Variants in SCHIP1 observed in about 807,000 individuals in gnomAD.
SCHIP1 encodes the protein schwannomin interacting protein 1.
In SCHIP1, 8 loss-of-function variants were observed where a neutral mutation model predicts 29.7. The observed-to-expected ratio is 0.27, with a 90% CI of 0.16 to 0.49. SCHIP1 has a LOEUF of 0.49. Among genes scored for constraint, SCHIP1 ranks in the 20% least tolerant of loss-of-function variants. SCHIP1 has a pLI of 0.99. For missense variants in SCHIP1, 193 were observed against 294.6 expected (o/e 0.66, Z 2.52); for synonymous variants, 76 against 94.9 (o/e 0.80, Z 1.16).
the SCHIP1 span, among the ~76,000 whole-genome samples, chr3:159,739,205 T>C: frequency 3.3e-5 from 5 of 152,210 alleles, no homozygotes; most frequent in South Asian, 2.1e-4. Context: ...AAAAAATGTC[T>C]GTATTGAGAA....
At chr3:159,756,123 T>C in the SCHIP1 span, among the ~76,000 whole-genome samples, 1 of 152,230 alleles carries the variant, frequency 6.6e-6, no homozygotes, top group African/African-American at 2.4e-5. Flanking sequence ...AGACAGTACC[T>C]CAGTAGGGGC....
chr3:159,558,991 T>A, the SCHIP1 span, among the ~76,000 whole-genome samples: 1 of 152,132 alleles, frequency 6.6e-6, no homozygotes. Context: ...CTTTAAAAAG[T>A]TTTCTTTTAA....
chr3:159,382,954 G>T, the SCHIP1 span, among the ~76,000 whole-genome samples: 1 of 149,966 alleles, frequency 6.7e-6, no homozygotes, highest in African/African-American at 2.4e-5. Context: ...TGATGGGGTT[G>T]TTTGTTTTTT....
At chr3:159,529,620 C>G in the SCHIP1 span, among the ~76,000 whole-genome samples, 109 of 152,246 alleles carry the variant, frequency 7.2e-4, no homozygotes, top group African/African-American at 2.5e-3. Context: ...GGGAACATTC[C>G]ACATCTTCTC....
chr3:159,656,796 C>CATTTTA, the SCHIP1 span, among the ~76,000 whole-genome samples: 25 of 152,184 alleles, frequency 1.6e-4, no homozygotes, highest in African/African-American at 5.8e-4. Context: ...CTCCATTTTA[C>CATTTTA]AGGTGAAAAA....
At chr3:159,430,829 G>GCC in the SCHIP1 span, among the ~76,000 whole-genome samples, 1 of 152,030 alleles carries the variant, frequency 6.6e-6, no homozygotes, top group East Asian at 1.9e-4. Flanking sequence ...GCTCAAGGGG[G>GCC]CCCACATGCC....
the SCHIP1 span, among the ~76,000 whole-genome samples, chr3:159,305,950 A>C: frequency 6.6e-6 from 1 of 152,128 alleles, no homozygotes; most frequent in South Asian, 2.1e-4. Flanking sequence ...CAAATCACTT[A>C]AGTTCTACTT....
chr3:159,711,211 A>AAAATGTTTTCCACCAAGC, the SCHIP1 span, among the ~76,000 whole-genome samples: 2 of 129,894 alleles, frequency 1.5e-5, no homozygotes, highest in South Asian at 2.3e-4. Context: ...AATTTAAAAA[A>AAAATGTTTTCCACCAAGC]TTAGCCGGGC....
the SCHIP1 span, among the ~76,000 whole-genome samples, chr3:159,586,339 T>C: frequency 2.5e-4 from 38 of 152,262 alleles, no homozygotes; most frequent in African/African-American, 8.7e-4. Context: ...GAACCAGCTT[T>C]GCCTCAGTGA....
the SCHIP1 span, among the ~76,000 whole-genome samples, chr3:159,328,631 G>A: frequency 1.3e-5 from 2 of 152,140 alleles, no homozygotes; most frequent in African/African-American, 4.8e-5. Context: ...TGGAGCGTTG[G>A]GAGAAATGCC....
At chr3:159,350,811 A>T in the SCHIP1 span, among the ~76,000 whole-genome samples, 1 of 152,134 alleles carries the variant, frequency 6.6e-6, no homozygotes, top group African/African-American at 2.4e-5. Context: ...AATACAATGC[A>T]CTATTATTAA....
chr3:159,887,919 G>C lies in SCHIP1; in HGVS notation c.465+14G>C. The C allele has an allele frequency of 5.0e-6, 8 of 1,613,692 alleles. No individual in the cohort carries two copies. The highest frequency in any genetic ancestry group is 5.9e-6 in the Non-Finnish European group (7 of 1,179,704). ...GTCGCTGATCTTGTAAGCAGCAAAGGCTGAAATGCAAGGAAGTGTTTGGGA... is the reference window on the plus strand; with the variant it reads ...GTCGCTGATCTTGTAAGCAGCAAAGCCTGAAATGCAAGGAAGTGTTTGGGA... On this transcript the variant is annotated intron_variant, in intron 4 of 6. Transcript: ENST00000445224.
the SCHIP1 span, among the ~76,000 whole-genome samples, chr3:159,422,156 T>A: frequency 3.3e-5 from 5 of 152,198 alleles, no homozygotes; most frequent in African/African-American, 1.2e-4. Flanking sequence ...TTCAATATAT[T>A]GTGTGTGGTT....
At chr3:159,407,314 G>A in the SCHIP1 span, among the ~76,000 whole-genome samples, 1 of 152,174 alleles carries the variant, frequency 6.6e-6, no homozygotes, top group Admixed American at 6.5e-5. Flanking sequence ...TAATGATAAA[G>A]GGGTCAATTC....
the SCHIP1 span, among the ~76,000 whole-genome samples, chr3:159,695,865 G>A: frequency 6.6e-6 from 1 of 151,932 alleles, no homozygotes; most frequent in African/African-American, 2.4e-5. Flanking sequence ...TTCCCTTCCT[G>A]CTCACTAACC....
chr3:159,481,379 A>T, the SCHIP1 span, among the ~76,000 whole-genome samples: 1 of 152,182 alleles, frequency 6.6e-6, no homozygotes, highest in Non-Finnish European at 1.5e-5. Context: ...ACTAAGATAG[A>T]GTGAATTAAG....
the SCHIP1 span, among the ~76,000 whole-genome samples, chr3:159,620,495 C>T: frequency 2.6e-5 from 4 of 152,180 alleles, no homozygotes; most frequent in Admixed American, 1.3e-4. Context: ...GGCATTCATC[C>T]GAGTTTTGTG....
exon 2 of SCHIP1, chr3:159,866,174 T>C (rs1714608575): frequency 6.2e-7 from 1 of 1,613,078 alleles, no homozygotes; most frequent in African/African-American, 1.3e-5. Flanking sequence ...CACAGAAAAA[T>C]GAGAGAGAGT....
At chr3:159,793,840 G>C in the SCHIP1 span, among the ~76,000 whole-genome samples, 1 of 152,194 alleles carries the variant, frequency 6.6e-6, no homozygotes, top group Non-Finnish European at 1.5e-5. Flanking sequence ...TTACAAGCGT[G>C]AGCCACTGTG....
Sources: gnomAD v4.1 joint callset for allele counts (sites outside exome capture counted in the v4.1 genomes callset) on GRCh38, gnomAD v4.1.1 for gene constraint, MANE v1.5 for transcripts, NCBI Gene and HGNC (gene_info 2026-07-23, HGNC 2026-07-21) for gene names.